The following ENG variants were observed in gnomAD, a reference collection of about 807,000 sequenced individuals.
ENG encodes the protein CD105 antigen.
A neutral mutation model predicts 71.0 loss-of-function variants in ENG; 17 were observed. That is an observed-to-expected ratio of 0.24 (90% CI 0.16 to 0.36). ENG has a LOEUF of 0.36. Ranked by LOEUF, ENG falls within the 10% of genes least tolerant of loss-of-function variation. The pLI, the probability that ENG is intolerant of heterozygous loss-of-function variation, is 1.00. For synonymous variants in ENG, 360 were observed against 366.9 expected, an observed-to-expected ratio of 0.98 and a Z score of 0.21; for missense variants, 749 against 868.3, an observed-to-expected ratio of 0.86 and a Z score of 1.73.
Position 127,825,373 on chromosome 9 carries a change from C to G in ENG, c.690-16G>C, listed in dbSNP as rs375559067. 3.4e-5 allele frequency: 54 copies of G among 1,607,814 alleles called. No homozygotes were observed. The highest frequency in any genetic ancestry group is 4.5e-5 in the Non-Finnish European group (53 of 1,179,516). On this transcript the variant is annotated splice_polypyrimidine_tract_variant and intron_variant, in intron 5 of 14. Transcript: ENST00000373203. ...CGTCCGGGGCCTGCGGGGAGACAGA[C>G]GCGGATGGAACACTGAAGCGGACAG...
At chr9:127,839,416 G>T (rs1830975377) in intron 2 of ENG, among the ~76,000 whole-genome samples, 1 of 152,180 alleles carries the variant, frequency 6.6e-6, no homozygotes, top group South Asian at 2.1e-4. Context: ...CAGCAGTAGG[G>T]GCTGGCAGCA....
chr9:127,850,986 G>A (rs964221089), intron 1 of ENG, among the ~76,000 whole-genome samples: 1 of 152,086 alleles, frequency 6.6e-6, no homozygotes, highest in Admixed American at 6.5e-5. Context: ...ATGGAGACCT[G>A]GTTCGAAAGA....
At chr9:127,845,346 C>T (rs1831143367) in intron 1 of ENG, among the ~76,000 whole-genome samples, 1 of 152,254 alleles carries the variant, frequency 6.6e-6, no homozygotes, top group African/African-American at 2.4e-5. Flanking sequence ...ATGGTCACCC[C>T]TTGCCATGGC....
chr9:127,850,153 C>A (rs1831255639), intron 1 of ENG, among the ~76,000 whole-genome samples: 2 of 152,206 alleles, frequency 1.3e-5, no homozygotes, highest in South Asian at 4.1e-4. Flanking sequence ...GTAAACAGTT[C>A]TTTAGGTCTC....
At position 127,844,838 on chromosome 9, in the gene ENG, C is replaced by T. The variant is rs1831133092; in HGVS notation, c.68-1593G>A. Among the ~76,000 whole-genome samples, 6 of 152,342 alleles carry T rather than the reference C, an allele frequency of 3.9e-5. No homozygotes were observed. The South Asian group carries it at 1.2e-3, about 32-fold the overall frequency. On this transcript the variant is annotated intron_variant, in intron 1 of 14. Transcript: ENST00000373203. ...GCTGAGCTCAGGAGACAAAGCTTCCCCTCTCTTGCCTCAAGGTGGTGGGAG... is the reference window on the plus strand; with the variant it reads ...GCTGAGCTCAGGAGACAAAGCTTCCTCTCTCTTGCCTCAAGGTGGTGGGAG...
chr9:127,843,657 A>G (rs1479471706), intron 1 of ENG, among the ~76,000 whole-genome samples: 1 of 142,348 alleles, frequency 7.0e-6, no homozygotes, highest in Non-Finnish European at 1.5e-5. Context: ...ATACATACAC[A>G]CACATATACA....
At position 127,817,867 on chromosome 9, in the gene ENG, AGGATGGAT is replaced by A. The variant is rs762517703; in HGVS notation, c.1686+245_1686+252del. 171 of 593,988 alleles carry A rather than the reference AGGATGGAT, an allele frequency of 2.9e-4. No homozygotes were observed. The Middle Eastern group carries it at 4.5e-3, about 16-fold the overall frequency. The allele number at this position is 593,988 out of a possible 1,614,324, so 36.8% of individuals were successfully genotyped here. ...ATGGATGGACGGACGGGTAAGTGAA[AGGATGGAT>A]GGATGGATAGATGGACAGTGGCAGC... On this transcript the variant is annotated intron_variant, in intron 12 of 14. Transcript: ENST00000373203.
chr9:127,826,451 G>C, intron 4 of ENG, 59 bp downstream of exon 4: 1 of 1,604,750 alleles, frequency 6.2e-7, no homozygotes, highest in Non-Finnish European at 8.5e-7. Context: ...TGGGCCAGAG[G>C]AGCTCAGATT....
At chr9:127,828,618 T>G (rs1830686705) in intron 3 of ENG, among the ~76,000 whole-genome samples, 1 of 152,130 alleles carries the variant, frequency 6.6e-6, no homozygotes, top group East Asian at 1.9e-4. Flanking sequence ...CTCTGGGACC[T>G]CGATTCCCCT....
At chr9:127,854,255 C>T (rs777673942) in intron 1 of ENG, 34 bp downstream of exon 1, 26 of 1,559,970 alleles carry the variant, frequency 1.7e-5, no homozygotes, top group East Asian at 7.2e-5. Flanking sequence ...CACCGGAGGC[C>T]GAGTCTCCCC....
chr9:127,815,765 G>A lies in ENG; in HGVS notation c.1894C>T (p.Pro632Ser). The A allele has an allele frequency of 6.5e-7, 1 of 1,546,034 alleles. No homozygotes were observed. The highest frequency in any genetic ancestry group is 2.0e-4 in the Middle Eastern group (1 of 4,958). ...GTGCTGCTGCTCTCCGAGGAGGCCG[G>A]GGCAGCCACCGCCACCACGGGCTCC... ...KREPVVAVAA[P>S]ASSESSSTNH... The change falls in exon 15 of 15, where the codon CCG (proline) becomes TCG (serine). Residue 632 changes from proline (P) to serine (S), a missense_variant. Physicochemically the swap from Pro to Ser is moderately conservative, Grantham distance 74 (BLOSUM62 -1). Transcript: ENST00000373203.
intron 5 of ENG, 76 bp from the exon 6 acceptor site, chr9:127,825,433 C>T (rs1830587450): frequency 7.5e-6 from 12 of 1,593,126 alleles, no homozygotes; most frequent in Middle Eastern, 4.3e-4. Flanking sequence ...GTCGGGTGGG[C>T]GGCGGCTGCA....
At chr9:127,830,032 G>A (rs572041717) in intron 2 of ENG, among the ~76,000 whole-genome samples, 11 of 152,096 alleles carry the variant, frequency 7.2e-5, no homozygotes, top group Middle Eastern at 3.4e-3. Flanking sequence ...AGGTAAGCCC[G>A]GCAAATCTGA....
chr9:127,830,647 C>CA lies in ENG; in HGVS notation c.220-821dup, dbSNP rs551686778. Among the ~76,000 whole-genome samples the CA allele has an allele frequency of 2.7e-3, 346 of 126,266 alleles. 1 individual carries two copies. The highest frequency in any genetic ancestry group is 8.3e-3 in the Middle Eastern group (2 of 242). 82.8% of individuals were successfully genotyped at this position (126,266 alleles called of 152,430 possible). The stretch of plus-strand genomic sequence containing the variant: ...GGGCAACAAGAATGACGCTCCGTCT[C>CA]AAAAAAAAAAACAAAAAACAAACAA... On this transcript the variant is annotated intron_variant, in intron 2 of 14. Transcript: ENST00000373203.
intron 2 of ENG, among the ~76,000 whole-genome samples, chr9:127,830,340 TA>T (rs141738433): frequency 0.054 from 3,601 of 66,866 alleles, 65 homozygotes; most frequent in African/African-American, 0.1. Context: ...AGACTCCATC[TA>T]AAAAAAAAAA....
rs1011464169 is a variant in ENG, at chr9:127,854,585, G to T, written c.-230C>A. ...TGCTGTCCGAAGGATGGGCGGGGAGGGGGTGCTGGGCTCCAATGGATGGCA... is the reference window on the plus strand; with the variant it reads ...TGCTGTCCGAAGGATGGGCGGGGAGTGGGTGCTGGGCTCCAATGGATGGCA... On this transcript the variant is annotated 5_prime_UTR_variant, in exon 1 of 15. Coordinates refer to ENST00000373203, the MANE Select transcript of ENG (RefSeq NM_001114753.3). 6 of 569,898 alleles carry T rather than the reference G, an allele frequency of 1.1e-5. No individual in the cohort carries two copies. The highest frequency in any genetic ancestry group is 3.2e-5 in the Admixed American group (1 of 31,626). 35.3% of individuals were successfully genotyped at this position (569,898 alleles called of 1,614,324 possible).
At chr9:127,843,395 G>A (rs554220251) in intron 1 of ENG, 150 bp from the exon 2 acceptor site, 36 of 1,088,308 alleles carry the variant, frequency 3.3e-5, no homozygotes, top group African/African-American at 2.0e-4. Flanking sequence ...CATTATATTC[G>A]TTCCATGGAT....
At position 127,836,096 on chromosome 9, in the gene ENG, G is replaced by C. The variant is rs530358370; in HGVS notation, c.220-6269C>G. ...CTACAGCAAACATTTCCCTCCCCAC[G>C]GCCCTGACTCACCGCCACGGCCACT... On this transcript the variant is annotated intron_variant, in intron 2 of 14. Coordinates refer to ENST00000373203, the MANE Select transcript of ENG (RefSeq NM_001114753.3). This position sits in a 1 kb window ranked among gnomAD's most constrained non-coding sequence, Gnocchi z 4.0. Among the ~76,000 whole-genome samples the C allele has an allele frequency of 6.6e-6, 1 of 152,116 alleles. No individual in the cohort carries two copies. The highest frequency in any genetic ancestry group is 1.5e-5 in the Non-Finnish European group (1 of 68,010).
At chr9:127,816,280 G>A (rs974680247) in intron 13 of ENG, 4 of 619,230 alleles carry the variant, frequency 6.5e-6, no homozygotes, top group Non-Finnish European at 8.6e-6. Flanking sequence ...AGGCCTTTTG[G>A]GTCATGCCTC....
Sources: allele counts gnomAD v4.1 joint callset (sites outside exome capture counted in the v4.1 genomes callset), GRCh38; gene constraint gnomAD v4.1.1; non-coding constraint Gnocchi (gnomAD v3.1); transcripts MANE v1.5; gene names NCBI Gene and HGNC (gene_info 2026-07-23, HGNC 2026-07-21).